Variants in PARP11 observed in about 807,000 individuals in gnomAD.
PARP11 encodes protein mono-ADP-ribosyltransferase PARP11.
In PARP11, 31 loss-of-function variants were observed where a neutral mutation model predicts 42.9. The ratio of observed to expected loss-of-function variants is 0.72; its 90% CI spans 0.54 to 0.98. The LOEUF (loss-of-function observed/expected upper bound fraction) is 0.98. Among genes scored for constraint, PARP11 ranks in the 50% least tolerant of loss-of-function variants. The probability of loss-of-function intolerance (pLI) is 0.00; values close to 1 mark genes in which losing one functional copy is unlikely to be tolerated. For synonymous variants in PARP11, 137 were observed against 127.3 expected, an observed-to-expected ratio of 1.08 and a Z score of -0.51; for missense variants, 365 against 413.1, an observed-to-expected ratio of 0.88 and a Z score of 1.01.
At chr12:3,816,298 C>T (rs1242288532) in intron 6 of PARP11, among the ~76,000 whole-genome samples, 1 of 152,216 alleles carries the variant, frequency 6.6e-6, no homozygotes, top group Non-Finnish European at 1.5e-5. Flanking sequence ...TAAGCTACCC[C>T]TTCTAGTTTT....
intron 1 of PARP11, among the ~76,000 whole-genome samples, chr12:3,836,640 G>C (rs906649372): frequency 2.6e-5 from 4 of 152,212 alleles, no homozygotes; most frequent in African/African-American, 9.7e-5. Context: ...CCAGTTCCAA[G>C]ATGGTGGCAC....
chr12:3,847,105 A>G lies in PARP11; in HGVS notation c.19-17087T>C, dbSNP rs1031592405. The stretch of plus-strand genomic sequence containing the variant: ...AAAGAAAAAGAAAACAGAAGAAGAG[A>G]AAGAAAAGAAGAGGAAAAATAAAGA... On this transcript the variant is annotated intron_variant, in intron 1 of 7. Coordinates refer to ENST00000228820, the MANE Select transcript of PARP11 (RefSeq NM_020367.6). 3.3e-5 allele frequency among the ~76,000 whole-genome samples: 5 copies of G among 152,244 alleles called. No homozygotes were observed. In the East Asian group the frequency reaches 9.6e-4, roughly 29 times the overall value.
intron 1 of PARP11, among the ~76,000 whole-genome samples, chr12:3,866,611 G>A (rs935294538): frequency 3.3e-5 from 5 of 152,044 alleles, no homozygotes; most frequent in African/African-American, 1.2e-4. Context: ...GCCATAGTTA[G>A]CATTTACTTA....
At chr12:3,857,717 C>T (rs924046331) in intron 1 of PARP11, among the ~76,000 whole-genome samples, 29 of 152,002 alleles carry the variant, frequency 1.9e-4, no homozygotes, top group Admixed American at 5.2e-4. Flanking sequence ...TTTGTACTAG[C>T]GGCTCATGCT....
intron 1 of PARP11, among the ~76,000 whole-genome samples, chr12:3,866,985 G>T (rs1948403862): frequency 6.6e-6 from 1 of 152,176 alleles, no homozygotes; most frequent in Admixed American, 6.5e-5. Context: ...ATCAGTCCTT[G>T]ACACATATAC....
chr12:3,845,039 T>C (rs546653499), intron 1 of PARP11, among the ~76,000 whole-genome samples: 1 of 147,076 alleles, frequency 6.8e-6, no homozygotes, highest in Non-Finnish European at 1.5e-5. Context: ...TTGGAAATTA[T>C]GAAACTTCAC....
At chr12:3,855,323 G>C (rs1948171573) in intron 1 of PARP11, among the ~76,000 whole-genome samples, 1 of 152,138 alleles carries the variant, frequency 6.6e-6, no homozygotes. Flanking sequence ...TATCCAATTA[G>C]GAAAAGAGGA....
At chr12:3,848,301 C>T (rs1463570409) in intron 1 of PARP11, among the ~76,000 whole-genome samples, 4 of 151,926 alleles carry the variant, frequency 2.6e-5, no homozygotes, top group East Asian at 3.8e-4. Flanking sequence ...AATAAACAAA[C>T]GCAAAAAATC....
chr12:3,865,889 CTTTT>C (rs11376275), intron 1 of PARP11, among the ~76,000 whole-genome samples: 2 of 139,702 alleles, frequency 1.4e-5, no homozygotes, highest in Admixed American at 7.0e-5. Context: ...TTGTTATTTG[CTTTT>C]TTTTTTTTGG....
At chr12:3,813,793 A>G (rs975575982) in intron 7 of PARP11, among the ~76,000 whole-genome samples, 2 of 152,196 alleles carry the variant, frequency 1.3e-5, no homozygotes, top group African/African-American at 2.4e-5. Flanking sequence ...AACATTATAA[A>G]TAACGTGAAG....
intron 6 of PARP11, chr12:3,814,915 T>G (rs1231340423): frequency 3.2e-6 from 1 of 308,682 alleles, no homozygotes; most frequent in Non-Finnish European, 6.6e-6. Context: ...GATAGAGAAC[T>G]CAAAATAATA....
intron 1 of PARP11, chr12:3,832,085 CAT>C (rs1421639280): frequency 3.4e-6 from 3 of 873,796 alleles, no homozygotes; most frequent in Non-Finnish European, 4.1e-6. Context: ...ATACATATAA[CAT>C]GTGTGCTCCG....
chr12:3,864,976 T>G (rs896806307), intron 1 of PARP11, among the ~76,000 whole-genome samples: 1 of 152,188 alleles, frequency 6.6e-6, no homozygotes, highest in Non-Finnish European at 1.5e-5. Context: ...GATTATTGAT[T>G]TGTAACATTT....
intron 1 of PARP11, among the ~76,000 whole-genome samples, chr12:3,833,195 T>C (rs1947682923): frequency 1.3e-5 from 2 of 152,224 alleles, no homozygotes; most frequent in Admixed American, 1.3e-4. Flanking sequence ...ACAACTTCCT[T>C]GCCTCTACAT....
chr12:3,826,208 A>G lies in PARP11; in HGVS notation c.294T>C (p.Thr98=). 1 of 1,597,996 alleles carries G rather than the reference A, an allele frequency of 6.3e-7. No homozygotes were observed. Among genetic ancestry groups the G allele is most frequent in the Non-Finnish European group, 8.5e-7 (1 of 1,175,138 alleles). ...FAEMKQMNLT[T]GKQRLIKRAP... The stretch of plus-strand genomic sequence containing the variant: ...CTCTTTTTATTAAGCGCTGCTTTCC[A>G]GTGGTGAGATTCATTTGCTTCATTT... Residue 98 remains threonine (T), a synonymous_variant, in exon 4 of 8, where the codon ACT becomes ACC. Transcript: ENST00000228820.
At chr12:3,855,603 G>C (rs1034199927) in intron 1 of PARP11, among the ~76,000 whole-genome samples, 2 of 152,202 alleles carry the variant, frequency 1.3e-5, no homozygotes, top group Admixed American at 6.5e-5. Flanking sequence ...GAACTACAAA[G>C]CACTGCTCAA....
At chr12:3,842,195 T>C in intron 1 of PARP11, 2 of 1,608,316 alleles carry the variant, frequency 1.2e-6, no homozygotes, top group Non-Finnish European at 1.7e-6. Context: ...TGGTCAGCCC[T>C]GGGGCCAACT....
chr12:3,870,882 T>C (rs1048908567), intron 1 of PARP11, among the ~76,000 whole-genome samples: 2 of 152,240 alleles, frequency 1.3e-5, no homozygotes, highest in East Asian at 1.9e-4. Flanking sequence ...TGATGACAGA[T>C]AGTGAAACTG....
At position 3,840,049 on chromosome 12, in the gene PARP11, T is replaced by G; in HGVS notation, c.19-10031A>C. 2 of 1,609,640 alleles carry G rather than the reference T, an allele frequency of 1.2e-6. No homozygotes were observed. The highest frequency in any genetic ancestry group is 2.2e-5 in the South Asian group (2 of 91,022). On this transcript the variant is annotated intron_variant, in intron 1 of 7. Coordinates refer to ENST00000228820, the MANE Select transcript of PARP11 (RefSeq NM_020367.6). This position sits in a 1 kb window ranked among gnomAD's most constrained non-coding sequence, Gnocchi z 4.4. ...GCCTTTGGCTAGAAAGGTTCTTAAGTCACTCAATCCTGCAGTCTATAGAAA... is the reference window on the plus strand; with the variant it reads ...GCCTTTGGCTAGAAAGGTTCTTAAGGCACTCAATCCTGCAGTCTATAGAAA...
Sources: allele counts gnomAD v4.1 joint callset (sites outside exome capture counted in the v4.1 genomes callset), GRCh38; gene constraint gnomAD v4.1.1; non-coding constraint Gnocchi (gnomAD v3.1); transcripts MANE v1.5; gene names NCBI Gene and HGNC (gene_info 2026-07-23, HGNC 2026-07-21).